Variants in NCR1 observed in about 807,000 individuals in gnomAD.
NCR1 encodes the protein natural cytotoxicity triggering receptor 1.
A neutral mutation model predicts 32.5 loss-of-function variants in NCR1; 30 were observed. The ratio of observed to expected loss-of-function variants is 0.92; its 90% CI spans 0.69 to 1.25. The LOEUF (loss-of-function observed/expected upper bound fraction) is 1.25, where lower values mean the gene tolerates loss of function less well. Ranked by LOEUF, NCR1 falls within the 50% of genes most tolerant of loss-of-function variation. The probability of loss-of-function intolerance (pLI) is 0.00; values close to 1 mark genes in which losing one functional copy is unlikely to be tolerated. For synonymous variants in NCR1, 169 were observed against 143.4 expected, an observed-to-expected ratio of 1.18 and a Z score of -1.28; for missense variants, 369 against 380.7, an observed-to-expected ratio of 0.97 and a Z score of 0.26.
chr19:54,907,594 C>G (rs1044971902), intron 3 of NCR1, among the ~76,000 whole-genome samples: 5 of 149,910 alleles, frequency 3.3e-5, no homozygotes, highest in African/African-American at 1.2e-4. Context: ...TTGTTTATAC[C>G]AGCAACACCA....
chr19:54,919,890 C>T (rs1408136195), downstream of NCR1, among the ~76,000 whole-genome samples: 2 of 152,264 alleles, frequency 1.3e-5, no homozygotes, highest in Non-Finnish European at 2.9e-5. Flanking sequence ...TAACAGAAGG[C>T]TCGCACTCTT....
chr19:54,911,366 A>G (rs1371849599), intron 5 of NCR1, among the ~76,000 whole-genome samples: 1 of 147,294 alleles, frequency 6.8e-6, no homozygotes, highest in Non-Finnish European at 1.5e-5. Flanking sequence ...AAGAAAAAGA[A>G]AAAGAAAAAG....
the NCR1 span, chr19:54,936,486 G>A: frequency 7.0e-7 from 1 of 1,429,676 alleles, no homozygotes. Context: ...ACATTGTGTG[G>A]AGGCATGTAT....
At chr19:54,908,183 G>A (rs1036996348) in intron 3 of NCR1, among the ~76,000 whole-genome samples, 3 of 152,058 alleles carry the variant, frequency 2.0e-5, no homozygotes, top group African/African-American at 7.2e-5. Flanking sequence ...AGGGAGTGGT[G>A]ATGACTCTTA....
chr19:54,918,973 A>G (rs1474646760), downstream of NCR1, among the ~76,000 whole-genome samples: 1 of 141,600 alleles, frequency 7.1e-6, no homozygotes, highest in African/African-American at 2.9e-5. Flanking sequence ...AACAAGAGCA[A>G]AACTGTCTTA....
chr19:54,917,789 A>G (rs2068165125), downstream of NCR1, among the ~76,000 whole-genome samples: 2 of 152,266 alleles, frequency 1.3e-5, no homozygotes, highest in South Asian at 4.1e-4. Flanking sequence ...TACAATGCCC[A>G]GGGCAGCCCC....
Position 54,909,469 on chromosome 19 carries a change from T to G in NCR1, c.580T>G (p.Tyr194Asp), listed in dbSNP as rs1283932287. ...AGGGACATACCGATGTTTTGGCTCCTATAACAACCATGCCTGGTCTTTCCC... is the reference window on the plus strand; with the variant it reads ...AGGGACATACCGATGTTTTGGCTCCGATAACAACCATGCCTGGTCTTTCCC... ...HRGTYRCFGS[Y>D]NNHAWSFPSE... Residue 194 changes from tyrosine to aspartate, a missense_variant, in exon 4 of 7, where the codon TAT becomes GAT. Transcript: ENST00000291890. The G allele has an allele frequency of 6.2e-7, 1 of 1,611,354 alleles. No individual in the cohort carries two copies. Among genetic ancestry groups the G allele is most frequent in the South Asian group, 1.1e-5 (1 of 91,074 alleles).
the NCR1 span, among the ~76,000 whole-genome samples, chr19:54,926,205 GGT>G: frequency 0.06 from 8,629 of 143,642 alleles, 582 homozygotes; most frequent in African/African-American, 0.15. Flanking sequence ...AATGATTAGG[GGT>G]GTGTGTGTGT....
the NCR1 span, chr19:54,934,498 T>C: frequency 6.2e-7 from 1 of 1,614,164 alleles, no homozygotes; most frequent in Admixed American, 1.7e-5. This position sits in a 1 kb window ranked among gnomAD's most constrained non-coding sequence, Gnocchi z 6.7. Flanking sequence ...CGACAACATC[T>C]GCAGGAAGTG....
chr19:54,929,612 G>T, the NCR1 span, among the ~76,000 whole-genome samples: 9 of 152,214 alleles, frequency 5.9e-5, no homozygotes, highest in Admixed American at 5.2e-4. Context: ...GGGTTTATGA[G>T]GTGGGGCAGG....
the NCR1 span, among the ~76,000 whole-genome samples, chr19:54,926,327 A>C: frequency 1.3e-5 from 2 of 152,150 alleles, no homozygotes; most frequent in Non-Finnish European, 2.9e-5. Context: ...AAAGTTGGAC[A>C]ATATTCAATT....
At chr19:54,914,751 T>TC (rs1338240008), downstream of NCR1, among the ~76,000 whole-genome samples, 3 of 151,872 alleles carry the variant, frequency 2.0e-5, no homozygotes, top group Admixed American at 1.3e-4. Flanking sequence ...CACTTTTTTT[T>TC]TTTTTTTTGA....
chr19:54,911,441 T>A (rs866553510), intron 5 of NCR1, among the ~76,000 whole-genome samples: 17 of 151,732 alleles, frequency 1.1e-4, no homozygotes, highest in Middle Eastern at 6.8e-3. Context: ...GATGACTTAA[T>A]GAGGAAAATG....
chr19:54,902,680 G>A (rs1445703371), upstream of NCR1, among the ~76,000 whole-genome samples: 2 of 152,182 alleles, frequency 1.3e-5, no homozygotes, highest in African/African-American at 4.8e-5. Flanking sequence ...TGTTATGGCT[G>A]AGAGGGTGGC....
At chr19:54,898,909 A>G in the NCR1 span, among the ~76,000 whole-genome samples, 5 of 152,164 alleles carry the variant, frequency 3.3e-5, no homozygotes, top group East Asian at 3.9e-4. Flanking sequence ...AGGGGAGGTG[A>G]TAAAAGGATT....
chr19:54,918,266 C>T (rs1261189658), downstream of NCR1, among the ~76,000 whole-genome samples: 4 of 151,048 alleles, frequency 2.6e-5, no homozygotes, highest in Non-Finnish European at 5.9e-5. Flanking sequence ...AGTCTGAGCC[C>T]TTTATTTTAT....
downstream of NCR1, among the ~76,000 whole-genome samples, chr19:54,920,775 C>T (rs753525951): frequency 6.6e-6 from 1 of 152,184 alleles, no homozygotes; most frequent in African/African-American, 2.4e-5. Flanking sequence ...TAAGATCGCA[C>T]CATTGCACTC....
chr19:54,912,715 C>A lies in NCR1; in HGVS notation c.759C>A (p.Ala253=). The A allele has an allele frequency of 6.2e-7, 1 of 1,613,472 alleles. No individual in the cohort carries two copies. ...QKDHALWDHT[A]QNLLRMGLAF... ...ACCATGCCCTCTGGGATCACACTGC[C>A]CAGAATCTCCTTCGGATGGGCCTGG... The change falls in exon 7 of 7, where the codon GCC becomes GCA. Residue 253 remains alanine, a synonymous_variant. Coordinates refer to ENST00000291890, the MANE Select transcript of NCR1 (RefSeq NM_004829.7).
the NCR1 span, chr19:54,934,434 C>G: frequency 2.7e-5 from 43 of 1,584,058 alleles, no homozygotes; most frequent in African/African-American, 5.5e-4. This position sits in a 1 kb window ranked among gnomAD's most constrained non-coding sequence, Gnocchi z 6.7. Flanking sequence ...GTTACCCTTT[C>G]TCTTCTATAG....
Sources: gnomAD v4.1 joint callset for allele counts (sites outside exome capture counted in the v4.1 genomes callset) on GRCh38, gnomAD v4.1.1 for gene constraint, Gnocchi (gnomAD v3.1) non-coding constraint, MANE v1.5 for transcripts, NCBI Gene and HGNC (gene_info 2026-07-23, HGNC 2026-07-21) for gene names.